The following GLDN variants were observed in gnomAD, a reference collection of about 807,000 sequenced individuals.
GLDN encodes the protein collomin.
A neutral mutation model predicts 56.5 loss-of-function variants in GLDN; 47 were observed. The observed-to-expected ratio is 0.83, with a 90% confidence interval of 0.66 to 1.06. The LOEUF (loss-of-function observed/expected upper bound fraction) is 1.06. Among genes scored for constraint, GLDN ranks in the 50% least tolerant of loss-of-function variants. The pLI, the probability that GLDN is intolerant of heterozygous loss-of-function variation, is 0.00. For missense variants in GLDN, 782 were observed against 714.3 expected, an observed-to-expected ratio of 1.09 and a Z score of -1.08; for synonymous variants, 332 against 278.8, an observed-to-expected ratio of 1.19 and a Z score of -1.90.
Position 51,401,660 on chromosome 15 carries a change from T to C in GLDN, c.1095T>C (p.Leu365=). ...ATGGCAGTTACACGTTCATCCACCT[T>C]CCATACTATTTCCATGGCTGTGGGC... The part of the protein sequence containing the change: ...LLNGSYTFIH[L]PYYFHGCGHV... Residue 365 remains leucine (L), a synonymous_variant, in exon 9 of 10, where the codon CTT becomes CTC. Coordinates refer to ENST00000335449, the MANE Select transcript of GLDN (RefSeq NM_181789.4). 1.2e-6 allele frequency: 2 copies of C among 1,614,080 alleles called. No individual in the cohort carries two copies. Among genetic ancestry groups the C allele is most frequent in the Non-Finnish European group, 1.7e-6 (2 of 1,179,946 alleles).
intron 1 of GLDN, among the ~76,000 whole-genome samples, chr15:51,352,520 G>A (rs933110574): frequency 6.6e-6 from 1 of 152,060 alleles, no homozygotes; most frequent in African/African-American, 2.4e-5. Flanking sequence ...TTCCTTCAGG[G>A]TGCCAACTTG....
intron 9 of GLDN, among the ~76,000 whole-genome samples, chr15:51,403,618 T>C (rs17704616): frequency 0.014 from 2,102 of 152,330 alleles, 42 homozygotes; most frequent in East Asian, 0.074. Flanking sequence ...TTCCATGCCA[T>C]AGTTTAATGT....
chr15:51,395,085 T>A, intron 5 of GLDN, 104 bp downstream of exon 5: 1 of 1,138,732 alleles, frequency 8.8e-7, no homozygotes, highest in Non-Finnish European at 1.2e-6. Flanking sequence ...CTTTATGGCC[T>A]TATGTGGCCA....
chr15:51,364,822 C>T (rs2037368781), intron 1 of GLDN, among the ~76,000 whole-genome samples: 2 of 152,104 alleles, frequency 1.3e-5, no homozygotes, highest in Admixed American at 1.3e-4. Flanking sequence ...GACTGTTAGA[C>T]ATTGTGAATT....
intron 9 of GLDN, among the ~76,000 whole-genome samples, 196 bp downstream of exon 9, chr15:51,401,939 T>G (rs539300700): frequency 6.6e-6 from 1 of 152,282 alleles, no homozygotes; most frequent in South Asian, 2.1e-4. Flanking sequence ...AGCCCCTGCC[T>G]GGGGTCTGCA....
intron 5 of GLDN, among the ~76,000 whole-genome samples, chr15:51,396,281 G>A (rs748158299): frequency 6.6e-6 from 1 of 152,202 alleles, no homozygotes; most frequent in Non-Finnish European, 1.5e-5. Context: ...AGATTCCCTA[G>A]CTCTGAGCAG....
chr15:51,394,330 AGGCCGGGAGCAGTGGCTC>A (rs2038078932), intron 4 of GLDN, among the ~76,000 whole-genome samples: 2 of 152,124 alleles, frequency 1.3e-5, no homozygotes, highest in South Asian at 4.2e-4. Context: ...ATAATCCAGC[AGGCCGGGAGCAGTGGCTC>A]ACACCTGTAA....
chr15:51,397,873 C>A (rs184993284), intron 6 of GLDN, among the ~76,000 whole-genome samples: 1 of 152,298 alleles, frequency 6.6e-6, no homozygotes, highest in East Asian at 1.9e-4. Context: ...CTTGCTCTGT[C>A]CGCCATCCCT....
intron 9 of GLDN, among the ~76,000 whole-genome samples, chr15:51,403,739 T>A (rs1443752136): frequency 2.0e-5 from 3 of 152,198 alleles, no homozygotes. Context: ...ACTCTTTTTT[T>A]AAAATTTCAG....
chr15:51,379,226 CT>C (rs2037701680), intron 2 of GLDN, among the ~76,000 whole-genome samples: 1 of 152,200 alleles, frequency 6.6e-6, no homozygotes, highest in South Asian at 2.1e-4. Flanking sequence ...ACAACACATG[CT>C]TTTCTGAATG....
At chr15:51,409,534 T>C (rs1382667964), downstream of GLDN, among the ~76,000 whole-genome samples, 1 of 152,186 alleles carries the variant, frequency 6.6e-6, no homozygotes, top group Non-Finnish European at 1.5e-5. Flanking sequence ...GCTCAACAAC[T>C]GAGTTAAGCT....
intron 1 of GLDN, 109 bp downstream of exon 1, chr15:51,342,156 C>T (rs2036898908): frequency 1.4e-6 from 2 of 1,380,932 alleles, no homozygotes; most frequent in African/African-American, 1.5e-5. Context: ...CGAGGTGCTG[C>T]GGAGAGGGCT....
rs200414350 is a variant in GLDN at position 51,395,758 on chromosome 15, A to AT, written c.688+780dup. 3.8e-3 allele frequency among the ~76,000 whole-genome samples: 348 copies of AT among 92,218 alleles called. 2 individuals carry two copies. Among genetic ancestry groups the AT allele is most frequent in the African/African-American group, 0.011 (332 of 29,156 alleles). 60.5% of individuals were successfully genotyped at this position (92,218 alleles called of 152,430 possible). ...TTACCTGAGACTGGGTAATTTATAT[A>AT]TTTAAAAAAAGGTTTAATTGGCTTA... On this transcript the variant is annotated intron_variant, in intron 5 of 9. Transcript: ENST00000335449.
chr15:51,358,063 A>T (rs1405380220), intron 1 of GLDN, among the ~76,000 whole-genome samples: 1 of 152,206 alleles, frequency 6.6e-6, no homozygotes, highest in Non-Finnish European at 1.5e-5. Flanking sequence ...ACTCCAGATT[A>T]TAGAGGCTAC....
chr15:51,348,307 C>G (rs2037014902), intron 1 of GLDN, among the ~76,000 whole-genome samples: 1 of 150,720 alleles, frequency 6.6e-6, no homozygotes, highest in East Asian at 2.0e-4. Context: ...CTGTTCTGTT[C>G]TTTTCTTTTT....
In GLDN at chr15:51,404,335, G is replaced by C. The variant is rs376274659; in HGVS notation, c.1237G>C (p.Asp413His). The change falls in exon 10 of 10, where the codon GAT (aspartate) becomes CAT (histidine). Residue 413 changes from aspartate (D) to histidine (H), a missense_variant. By Grantham distance (81) the Asp-to-His change is moderately conservative. Coordinates refer to ENST00000335449, the MANE Select transcript of GLDN (RefSeq NM_181789.4). The stretch of plus-strand genomic sequence containing the variant: ...GAAGCTTGAAAATGCCTTGTATTTT[G>C]ATCGAAAATACCTTTTTGCAAATTC... ...TLKLENALYF[D>H]RKYLFANSKT... 2 of 1,612,654 alleles carry C rather than the reference G, an allele frequency of 1.2e-6. No homozygotes were observed. The highest frequency in any genetic ancestry group is 1.7e-5 in the Admixed American group (1 of 59,684).
chr15:51,359,325 T>C (rs547021064), intron 1 of GLDN, among the ~76,000 whole-genome samples: 5 of 152,218 alleles, frequency 3.3e-5, no homozygotes, highest in Non-Finnish European at 7.3e-5. Flanking sequence ...CATGGAGAGA[T>C]ACTATGTTGT....
intron 4 of GLDN, among the ~76,000 whole-genome samples, chr15:51,387,829 C>T (rs1434415290): frequency 1.3e-5 from 2 of 152,096 alleles, no homozygotes; most frequent in Non-Finnish European, 2.9e-5. Context: ...AACCATAATA[C>T]ATAGCCAGCA....
rs543143995 is a variant in GLDN, at chr15:51,388,003, C to A, written c.541+4111C>A. ...TCACCCTTGCCCCAGGACCTTTGCA[C>A]GAGTACTGCTAGGGACCCAGAGTAG... On this transcript the variant is annotated intron_variant, in intron 4 of 9. Coordinates refer to ENST00000335449, the MANE Select transcript of GLDN (RefSeq NM_181789.4). Among the ~76,000 whole-genome samples, 3 of 152,306 alleles carry A rather than the reference C, an allele frequency of 2.0e-5. No individual in the cohort carries two copies. The South Asian group carries it at 6.2e-4, about 32-fold the overall frequency.
Sources: gnomAD v4.1 joint callset for allele counts (sites outside exome capture counted in the v4.1 genomes callset) on GRCh38, gnomAD v4.1.1 for gene constraint, MANE v1.5 for transcripts, NCBI Gene and HGNC (gene_info 2026-07-23, HGNC 2026-07-21) for gene names.